PRKAR2B: variants seen among roughly 807,000 people sequenced by gnomAD.
PRKAR2B encodes cAMP-dependent protein kinase type II-beta regulatory subunit.
A neutral mutation model predicts 49.9 loss-of-function variants in PRKAR2B; 14 were observed. The observed-to-expected ratio is 0.28, with a 90% CI of 0.19 to 0.44. PRKAR2B has a LOEUF of 0.44. Ranked by LOEUF, PRKAR2B falls within the 20% of genes least tolerant of loss-of-function variation. The pLI is 1.00. For synonymous variants in PRKAR2B, 196 were observed against 197.7 expected, an observed-to-expected ratio of 0.99 and a Z score of 0.07; for missense variants, 393 against 537.9, an observed-to-expected ratio of 0.73 and a Z score of 2.67.
chr7:107,101,545 C>T (rs919720771), intron 2 of PRKAR2B, among the ~76,000 whole-genome samples: 1 of 152,210 alleles, frequency 6.6e-6, no homozygotes, highest in Non-Finnish European at 1.5e-5. Flanking sequence ...TCAAGTGCCT[C>T]CGTGTCTGCC....
chr7:107,060,997 T>C (rs188230678), intron 1 of PRKAR2B, among the ~76,000 whole-genome samples: 1 of 152,128 alleles, frequency 6.6e-6, no homozygotes, highest in Non-Finnish European at 1.5e-5. Flanking sequence ...ACTCATTTTT[T>C]CCCCCACTGA....
chr7:107,063,920 A>G (rs1285167964), intron 1 of PRKAR2B, among the ~76,000 whole-genome samples: 1 of 152,182 alleles, frequency 6.6e-6, no homozygotes, highest in East Asian at 1.9e-4. Flanking sequence ...TTACAAGCAG[A>G]ACATTGGTCT....
chr7:107,158,693 C>T (rs1227993125), intron 10 of PRKAR2B, among the ~76,000 whole-genome samples: 5 of 152,084 alleles, frequency 3.3e-5, no homozygotes, highest in Non-Finnish European at 7.4e-5. Flanking sequence ...AAAAAATTAA[C>T]TTTTGACACA....
At chr7:107,071,893 G>A (rs1318060241) in intron 2 of PRKAR2B, among the ~76,000 whole-genome samples, 1 of 151,786 alleles carries the variant, frequency 6.6e-6, no homozygotes, top group Admixed American at 6.6e-5. Flanking sequence ...GTGAAACCCC[G>A]TCTCTGCTAA....
intron 1 of PRKAR2B, among the ~76,000 whole-genome samples, chr7:107,048,014 A>T (rs1306719722): frequency 6.6e-6 from 1 of 152,218 alleles, no homozygotes; most frequent in Non-Finnish European, 1.5e-5. Flanking sequence ...TGCTGTCTAA[A>T]TGCTTTAATT....
chr7:107,096,038 C>G (rs932850125), intron 2 of PRKAR2B, among the ~76,000 whole-genome samples: 1 of 151,986 alleles, frequency 6.6e-6, no homozygotes, highest in Non-Finnish European at 1.5e-5. Flanking sequence ...AGGGAGGATT[C>G]CCTCTTGTTC....
chr7:107,096,124 G>T (rs183586385), intron 2 of PRKAR2B, among the ~76,000 whole-genome samples: 12 of 152,108 alleles, frequency 7.9e-5, no homozygotes, highest in African/African-American at 1.2e-4. Flanking sequence ...CTGTGAATCC[G>T]TCTGGTCCTG....
intron 2 of PRKAR2B, chr7:107,077,169 T>G (rs1225216137): frequency 6.6e-6 from 1 of 152,232 alleles, no homozygotes; most frequent in Non-Finnish European, 1.5e-5. Context: ...GCTTCATTTT[T>G]AATAAGCCTG....
At chr7:107,068,513 A>G (rs1584409474) in intron 1 of PRKAR2B, 1 of 152,164 alleles carries the variant, frequency 6.6e-6, no homozygotes, top group Admixed American at 6.5e-5. Context: ...TATGTGTAGT[A>G]AAATATATAT....
At chr7:107,143,502 C>T (rs919727966) in intron 5 of PRKAR2B, among the ~76,000 whole-genome samples, 2 of 152,208 alleles carry the variant, frequency 1.3e-5, no homozygotes, top group Admixed American at 1.3e-4. Context: ...TGCAGGTATT[C>T]TGGGGATGCT....
chr7:107,065,880 C>T (rs1584407629), intron 1 of PRKAR2B, among the ~76,000 whole-genome samples: 1 of 152,324 alleles, frequency 6.6e-6, no homozygotes, highest in Non-Finnish European at 1.5e-5. Context: ...GTTTTCACTG[C>T]TGAGATAGAG....
chr7:107,057,039 G>C (rs1793928717), intron 1 of PRKAR2B, among the ~76,000 whole-genome samples: 1 of 152,142 alleles, frequency 6.6e-6, no homozygotes, highest in Non-Finnish European at 1.5e-5. Flanking sequence ...ATCTAAAACT[G>C]ATCTATTGCC....
intron 2 of PRKAR2B, chr7:107,082,216 T>A (rs1367327008): frequency 6.6e-6 from 1 of 152,230 alleles, no homozygotes; most frequent in East Asian, 1.9e-4. Context: ...CAAAATTTTC[T>A]TTTTATAATG....
At chr7:107,081,036 ATAT>A (rs1318846683) in intron 2 of PRKAR2B, among the ~76,000 whole-genome samples, 2 of 152,208 alleles carry the variant, frequency 1.3e-5, no homozygotes, top group Non-Finnish European at 2.9e-5. Flanking sequence ...AAACTTTTAT[ATAT>A]TATTAGACTG....
intron 2 of PRKAR2B, among the ~76,000 whole-genome samples, chr7:107,112,174 T>TAAAAAAAAA (rs749209141): frequency 1.1e-4 from 5 of 44,800 alleles, no homozygotes; most frequent in African/African-American, 5.1e-4. Context: ...ACTGTGTCTC[T>TAAAAAAAAA]AAAAAAAAAA....
chr7:107,135,922 A>T (rs943471677), intron 4 of PRKAR2B, among the ~76,000 whole-genome samples: 2 of 152,204 alleles, frequency 1.3e-5, no homozygotes, highest in African/African-American at 4.8e-5. Flanking sequence ...ATACTAACTG[A>T]CTTCAAGACT....
chr7:107,078,201 C>CAA (rs66861003), intron 2 of PRKAR2B: 7,418 of 116,828 alleles, frequency 0.063, 361 homozygotes, highest in African/African-American at 0.12. Context: ...GATACTCCAT[C>CAA]AAAAAAAAAA....
At chr7:107,083,913 AC>A (rs1215987742) in intron 2 of PRKAR2B, among the ~76,000 whole-genome samples, 1 of 152,062 alleles carries the variant, frequency 6.6e-6, no homozygotes, top group African/African-American at 2.4e-5. Flanking sequence ...GTCTGGCCAA[AC>A]CTAGTTTTTA....
At position 107,161,476 on chromosome 7, in the gene PRKAR2B, T is replaced by G. The variant is rs577110332; in HGVS notation, c.*1894T>G. ...TTGTTGGTTATATTTAAATTTTCCT[T>G]ACAATAAAGCACACTTTTATAATAA... is the stretch of plus-strand genomic sequence containing the variant. On this transcript the variant is annotated 3_prime_UTR_variant, in exon 11 of 11. Coordinates refer to ENST00000265717, the MANE Select transcript of PRKAR2B (RefSeq NM_002736.3). 14 of 152,792 alleles carry G rather than the reference T, an allele frequency of 9.2e-5. No individual in the cohort carries two copies. The highest frequency in any genetic ancestry group is 7.7e-4 in the East Asian group (4 of 5,196). 9.5% of individuals were successfully genotyped at this position (152,792 alleles called of 1,614,324 possible).
Sources: gnomAD v4.1 joint callset for allele counts (sites outside exome capture counted in the v4.1 genomes callset) on GRCh38, gnomAD v4.1.1 for gene constraint, MANE v1.5 for transcripts, NCBI Gene and HGNC (gene_info 2026-07-23, HGNC 2026-07-21) for gene names.